CEP85L: variants seen among roughly 807,000 people sequenced by gnomAD.
CEP85L encodes the protein centrosomal protein of 85 kDa-like.
Under a neutral mutation model 100.3 loss-of-function variants are expected in CEP85L, and 60 were observed. That is an observed-to-expected ratio of 0.60 (90% CI 0.49 to 0.74). The LOEUF is 0.74. Ranked by LOEUF, CEP85L falls within the 30% of genes least tolerant of loss-of-function variation. The pLI is 0.00. For missense variants in CEP85L, 973 were observed against 936.2 expected (o/e 1.04, Z -0.51); for synonymous variants, 319 against 322.7 (o/e 0.99, Z 0.12).
intron 2 of CEP85L, among the ~76,000 whole-genome samples, chr6:118,596,788 A>G (rs756857889): frequency 4.6e-5 from 7 of 152,164 alleles, no homozygotes; most frequent in Non-Finnish European, 1.0e-4. Context: ...ATTTCCTGTT[A>G]TTTATTGTAA....
chr6:118,613,575 G>A (rs1265806145), intron 2 of CEP85L, among the ~76,000 whole-genome samples: 1 of 151,872 alleles, frequency 6.6e-6, no homozygotes, highest in East Asian at 1.9e-4. Context: ...TGGTCAACAT[G>A]GCAAAATCCT....
In CEP85L at chr6:118,461,442, C is replaced by T. The variant is rs1562159223; in HGVS notation, c.*3963G>A. ...AAAATTCCTTAATCAAGTTTATATA[C>T]AGAAGAACAAGGTGCAATAATCATC... is the stretch of plus-strand genomic sequence containing the variant. On this transcript the variant is annotated 3_prime_UTR_variant, in exon 13 of 13. Coordinates refer to ENST00000368491, the MANE Select transcript of CEP85L (RefSeq NM_001042475.3). The T allele has an allele frequency of 2.0e-5, 3 of 151,810 alleles. No homozygotes were observed. Among genetic ancestry groups the T allele is most frequent in the Middle Eastern group, 3.4e-3 (1 of 292 alleles). 9.4% of individuals were successfully genotyped at this position (151,810 alleles called of 1,614,324 possible).
intron 7 of CEP85L, 53 bp downstream of exon 7, chr6:118,483,648 AGAGTC>A: frequency 1.3e-6 from 2 of 1,516,268 alleles, no homozygotes. Context: ...CCAAATTTCT[AGAGTC>A]AAGTTAACAT....
At chr6:118,584,935 C>T (rs758624228) in intron 2 of CEP85L, among the ~76,000 whole-genome samples, 1 of 152,160 alleles carries the variant, frequency 6.6e-6, no homozygotes, top group Non-Finnish European at 1.5e-5. Flanking sequence ...CGCCTTCCAC[C>T]AGGAGGAAAC....
rs964773314 is a variant in CEP85L at position 118,464,469 on chromosome 6, A to G, written c.*936T>C. 2.0e-5 allele frequency: 3 copies of G among 152,142 alleles called. No individual in the cohort carries two copies. Among genetic ancestry groups the G allele is most frequent in the Non-Finnish European group, 2.9e-5 (2 of 68,004 alleles). 9.4% of individuals were successfully genotyped at this position (152,142 alleles called of 1,614,324 possible). A position where few individuals can be genotyped will look rare whatever the true frequency, so the allele number is the denominator to read the frequency against. On this transcript the variant is annotated 3_prime_UTR_variant, in exon 13 of 13. Transcript: ENST00000368491. ...CAACTTTGAAACATACAAAACTGTT[A>G]AAATGTAAATGTTGAGATTTGGATA...
intron 2 of CEP85L, among the ~76,000 whole-genome samples, chr6:118,604,073 A>G (rs150890065): frequency 9.3e-4 from 142 of 152,356 alleles, no homozygotes; most frequent in African/African-American, 3.2e-3. Flanking sequence ...CAATGCAAAC[A>G]AAACACCATT....
chr6:118,652,691 A>G, upstream of CEP85L: 1 of 1,537,020 alleles, frequency 6.5e-7, no homozygotes, highest in South Asian at 1.2e-5. Context: ...TGTGTGTTCT[A>G]TCACTTACCA....
At chr6:118,558,758 T>C (rs1779051720) in intron 3 of CEP85L, 1 of 663,606 alleles carries the variant, frequency 1.5e-6, no homozygotes, top group Non-Finnish European at 2.7e-6. Context: ...AGTGTAAAAT[T>C]GTATTTTTTG....
chr6:118,498,000 T>C (rs536962708), intron 5 of CEP85L, among the ~76,000 whole-genome samples: 2 of 152,182 alleles, frequency 1.3e-5, no homozygotes, highest in African/African-American at 4.8e-5. Flanking sequence ...AGAAGGAAGA[T>C]GGAGGAATTA....
At chr6:118,480,944 G>C (rs771516581) in intron 8 of CEP85L, among the ~76,000 whole-genome samples, 1 of 151,596 alleles carries the variant, frequency 6.6e-6, no homozygotes, top group Non-Finnish European at 1.5e-5. Flanking sequence ...GCAAAAGTTT[G>C]CTTGTAAGAA....
At chr6:118,567,205 ATGTATGTGTGTGTGTG>A (rs1383946356) in intron 2 of CEP85L, among the ~76,000 whole-genome samples, 9 of 77,272 alleles carry the variant, frequency 1.2e-4, no homozygotes, top group East Asian at 8.4e-4. Context: ...ATGAATATAT[ATGTATGTGTGTGTGTG>A]TGTGTGTGTG....
intron 8 of CEP85L, 131 bp downstream of exon 8, chr6:118,481,648 A>G: frequency 2.0e-6 from 1 of 508,434 alleles, no homozygotes; most frequent in Non-Finnish European, 3.2e-6. Flanking sequence ...CAGTTTGGAT[A>G]AGGGATGAGC....
chr6:118,692,219 A>G (rs1356624174), intron 1 of CEP85L, among the ~76,000 whole-genome samples: 1 of 152,214 alleles, frequency 6.6e-6, no homozygotes, highest in East Asian at 1.9e-4. Context: ...CTGAAGACGA[A>G]TAAGCTATGC....
chr6:118,470,065 G>GAT (rs1772828523), intron 11 of CEP85L, among the ~76,000 whole-genome samples: 1 of 151,950 alleles, frequency 6.6e-6, no homozygotes, highest in African/African-American at 2.4e-5. Flanking sequence ...TGTTAATGTT[G>GAT]ATAGGAACCA....
chr6:118,483,639 C>T, intron 7 of CEP85L, 67 bp downstream of exon 7: 1 of 1,484,660 alleles, frequency 6.7e-7, no homozygotes, highest in Non-Finnish European at 9.1e-7. Context: ...TATAGTTAGC[C>T]AAATTTCTAG....
At chr6:118,486,606 T>G (rs1753243062) in intron 6 of CEP85L, among the ~76,000 whole-genome samples, 1 of 152,184 alleles carries the variant, frequency 6.6e-6, no homozygotes, top group African/African-American at 2.4e-5. Flanking sequence ...GAGCCTGCTC[T>G]TCCTAATCTA....
chr6:118,614,869 T>TC (rs1772915185), intron 2 of CEP85L, among the ~76,000 whole-genome samples: 1 of 122,646 alleles, frequency 8.2e-6, no homozygotes, highest in Non-Finnish European at 1.7e-5. Flanking sequence ...GACAGACAGA[T>TC]AGATAGATAG....
Position 118,469,211 on chromosome 6 carries a change from T to C in CEP85L, c.2115A>G (p.Pro705=), listed in dbSNP as rs1025801080. 3.1e-6 allele frequency: 5 copies of C among 1,613,914 alleles called. No homozygotes were observed. The African/African-American group carries it at 5.3e-5, about 17-fold the overall frequency. Reference sequence around the variant, plus strand: ...GATCAATCACAGTCAAATCAAATAGTGGCCGTTTGGAAAGAACTGTCTGCT... The same window carrying C: ...GATCAATCACAGTCAAATCAAATAGCGGCCGTTTGGAAAGAACTGTCTGCT... ...SRQQTVLSKR[P]LFDLTVIDQL... Residue 705 remains proline (P), a synonymous_variant, in exon 12 of 13, where the codon CCA becomes CCG. Coordinates refer to ENST00000368491, the MANE Select transcript of CEP85L (RefSeq NM_001042475.3).
In CEP85L at chr6:118,572,939, C is replaced by G. The variant is rs143393158; in HGVS notation, c.233-6623G>C. On this transcript the variant is annotated intron_variant, in intron 2 of 12. Transcript: ENST00000368491. The stretch of plus-strand genomic sequence containing the variant: ...TAGCCGGGCGCAGTGGTGCACGCCT[C>G]TAATACCAGCTACTCGGGAGGCTGA... 3.9e-3 allele frequency among the ~76,000 whole-genome samples: 583 copies of G among 151,254 alleles called. 3 individuals are homozygous for G. The highest frequency in any genetic ancestry group is 0.014 in the African/African-American group (557 of 41,190).
Sources: allele counts gnomAD v4.1 joint callset (sites outside exome capture counted in the v4.1 genomes callset), GRCh38; gene constraint gnomAD v4.1.1; transcripts MANE v1.5; gene names NCBI Gene and HGNC (gene_info 2026-07-23, HGNC 2026-07-21).